The following CTDSPL2 variants were observed in gnomAD, a reference collection of about 807,000 sequenced individuals.
The protein encoded by CTDSPL2 is CTD small phosphatase like 2.
In CTDSPL2, 5 loss-of-function variants were observed where a neutral mutation model predicts 60.0. The ratio of observed to expected loss-of-function variants is 0.08; its 90% CI spans 0.04 to 0.18. The LOEUF (loss-of-function observed/expected upper bound fraction) is 0.18. Among genes scored for constraint, CTDSPL2 ranks in the 10% least tolerant of loss-of-function variants. CTDSPL2 has a pLI of 1.00. For synonymous variants in CTDSPL2, 186 were observed against 189.3 expected (o/e 0.98, Z 0.14); for missense variants, 370 against 548.8 (o/e 0.67, Z 3.26).
intron 2 of CTDSPL2, among the ~76,000 whole-genome samples, chr15:44,482,759 A>G (rs2081050867): frequency 6.6e-6 from 1 of 152,190 alleles, no homozygotes; most frequent in Non-Finnish European, 1.5e-5. Context: ...GCAATATCCA[A>G]CTTGTAGAAA....
chr15:44,445,674 G>GTC (rs2080196627), intron 1 of CTDSPL2, among the ~76,000 whole-genome samples: 1 of 149,394 alleles, frequency 6.7e-6, no homozygotes, highest in Non-Finnish European at 1.5e-5. Flanking sequence ...GTCTCGCACT[G>GTC]TCGCCTGGGC....
At chr15:44,469,310 A>T (rs116045994) in intron 2 of CTDSPL2, among the ~76,000 whole-genome samples, 1 of 152,210 alleles carries the variant, frequency 6.6e-6, no homozygotes, top group East Asian at 1.9e-4. Flanking sequence ...TTTACCTCCA[A>T]CCATTTATAA....
rs2081876810 is a variant in CTDSPL2, at chr15:44,526,538, T to A, written c.*2364T>A. The A allele has an allele frequency of 6.6e-6, 1 of 152,184 alleles. No individual in the cohort carries two copies. Among genetic ancestry groups the A allele is most frequent in the African/African-American group, 2.4e-5 (1 of 41,464 alleles). The allele number at this position is 152,184 out of a possible 1,614,324, so 9.4% of individuals were successfully genotyped here. On this transcript the variant is annotated 3_prime_UTR_variant, in exon 13 of 13. Coordinates refer to ENST00000260327, the MANE Select transcript of CTDSPL2 (RefSeq NM_016396.3). ...AAAGAAATAAACTAAGAAAATTTTT[T>A]ATGGCTTGAGAAAATTCCTTGAGGC...
Position 44,514,603 on chromosome 15 carries a change from T to C in CTDSPL2, c.975T>C (p.Tyr325=), listed in dbSNP as rs1489180826. The C allele has an allele frequency of 6.3e-7, 1 of 1,595,090 alleles. No homozygotes were observed. Among genetic ancestry groups the C allele is most frequent in the African/African-American group, 1.3e-5 (1 of 74,680 alleles). ...VLFQDVIYQV[Y]VRLRPFFREF... ...TTATCTTTGTATTTCCTTAGGTTTA[T>C]GTGAGATTAAGACCATTTTTCAGGG... The change falls in exon 9 of 13, where the codon TAT becomes TAC. Residue 325 remains tyrosine (Y), a synonymous_variant. Coordinates refer to ENST00000260327, the MANE Select transcript of CTDSPL2 (RefSeq NM_016396.3).
chr15:44,512,939 G>T (rs986037891), intron 8 of CTDSPL2, among the ~76,000 whole-genome samples: 1 of 151,960 alleles, frequency 6.6e-6, no homozygotes, highest in Non-Finnish European at 1.5e-5. Context: ...AGCCATGGTG[G>T]CCCATGCCTG....
At chr15:44,492,422 C>T (rs1297554449) in intron 5 of CTDSPL2, among the ~76,000 whole-genome samples, 1 of 152,132 alleles carries the variant, frequency 6.6e-6, no homozygotes, top group Non-Finnish European at 1.5e-5. Context: ...GGTTCAACTT[C>T]CAATTCTTTT....
At chr15:44,476,751 A>G (rs2080924624) in intron 2 of CTDSPL2, among the ~76,000 whole-genome samples, 3 of 152,230 alleles carry the variant, frequency 2.0e-5, no homozygotes, top group Admixed American at 2.0e-4. Context: ...ACGCTGTATG[A>G]TTGTACAGTG....
intron 8 of CTDSPL2, among the ~76,000 whole-genome samples, chr15:44,504,152 A>T (rs2081420947): frequency 2.6e-5 from 4 of 152,102 alleles, no homozygotes; most frequent in Admixed American, 2.6e-4. Context: ...GTTCAGGACC[A>T]CCCTGGCCAA....
At chr15:44,431,724 T>TTG (rs1348279188) in intron 1 of CTDSPL2, among the ~76,000 whole-genome samples, 27 of 143,438 alleles carry the variant, frequency 1.9e-4, no homozygotes, top group Non-Finnish European at 3.1e-4. Context: ...TTGTTTTTTT[T>TTG]TTTTTTTTTT....
intron 1 of CTDSPL2, among the ~76,000 whole-genome samples, chr15:44,434,568 A>G (rs1223969890): frequency 6.6e-6 from 1 of 152,134 alleles, no homozygotes; most frequent in Non-Finnish European, 1.5e-5. Context: ...CAAGTTTTAA[A>G]ATTTTTAAAT....
Position 44,505,735 on chromosome 15 carries a change from C to CAAAAA in CTDSPL2, c.969+5933_969+5937dup, listed in dbSNP as rs34005065. ...GGCAACAGAGCGAGACTCTGTCTCC[C>CAAAAA]AAAAAAAAAAAAAAAGAAAAGAAAA... On this transcript the variant is annotated intron_variant, in intron 8 of 12. Coordinates refer to ENST00000260327, the MANE Select transcript of CTDSPL2 (RefSeq NM_016396.3). 1.2e-4 allele frequency among the ~76,000 whole-genome samples: 9 copies of CAAAAA among 73,914 alleles called. 1 individual carries two copies. The highest frequency in any genetic ancestry group is 3.5e-4 in the East Asian group (1 of 2,862). The allele number at this position is 73,914 out of a possible 152,430, so 48.5% of individuals were successfully genotyped here.
intron 1 of CTDSPL2, among the ~76,000 whole-genome samples, chr15:44,441,893 T>C (rs2080095533): frequency 6.6e-6 from 1 of 152,232 alleles, no homozygotes; most frequent in African/African-American, 2.4e-5. Context: ...CTGTAGCTTG[T>C]AATTCCCCGA....
At position 44,525,706 on chromosome 15, in the gene CTDSPL2, T is replaced by C. The variant is rs1312200632; in HGVS notation, c.*1532T>C. On this transcript the variant is annotated 3_prime_UTR_variant, in exon 13 of 13. Transcript: ENST00000260327. ...GTACAAATTACATGCAGCTTCATTTTCAAATGAATCCTTAAAATAAGGAAA... is the reference window on the plus strand; with the variant it reads ...GTACAAATTACATGCAGCTTCATTTCCAAATGAATCCTTAAAATAAGGAAA... 1.8e-5 allele frequency: 7 copies of C among 384,186 alleles called. No homozygotes were observed. The highest frequency in any genetic ancestry group is 4.1e-5 in the African/African-American group (2 of 48,354). 23.8% of individuals were successfully genotyped at this position (384,186 alleles called of 1,614,324 possible).
intron 8 of CTDSPL2, among the ~76,000 whole-genome samples, chr15:44,502,592 T>C (rs1289128551): frequency 1.3e-5 from 2 of 152,194 alleles, no homozygotes; most frequent in Admixed American, 1.3e-4. Flanking sequence ...TGAAAAAGCA[T>C]GACTGTGTCC....
chr15:44,448,128 C>T, intron 1 of CTDSPL2: 1 of 256,334 alleles, frequency 3.9e-6, no homozygotes, highest in Non-Finnish European at 8.1e-6. Context: ...CTGCAGGAAC[C>T]ATGCACTCCA....
chr15:44,461,374 A>G (rs948369234), intron 2 of CTDSPL2, among the ~76,000 whole-genome samples: 39 of 152,220 alleles, frequency 2.6e-4, no homozygotes, highest in African/African-American at 9.4e-4. Flanking sequence ...TTTGTATGTT[A>G]TGTGTATTCT....
chr15:44,528,409 A>G lies in CTDSPL2; in HGVS notation c.*4235A>G, dbSNP rs752878352. The G allele has an allele frequency of 6.6e-6, 1 of 151,208 alleles. No homozygotes were observed. Among genetic ancestry groups the G allele is most frequent in the Non-Finnish European group, 1.5e-5 (1 of 67,878 alleles). 9.4% of individuals were successfully genotyped at this position (151,208 alleles called of 1,614,324 possible). On this transcript the variant is annotated 3_prime_UTR_variant, in exon 13 of 13. Transcript: ENST00000260327. ...TCTTTAAAGCTCTCCTGGTGATTCT[A>G]ATAGCCAGTATTGGGTAATCAATGT... is the stretch of plus-strand genomic sequence containing the variant.
intron 2 of CTDSPL2, among the ~76,000 whole-genome samples, chr15:44,471,163 C>T (rs1232602592): frequency 6.6e-6 from 1 of 152,172 alleles, no homozygotes; most frequent in African/African-American, 2.4e-5. Flanking sequence ...CGCGTTACCA[C>T]ATGTATCTGT....
intron 1 of CTDSPL2, among the ~76,000 whole-genome samples, chr15:44,458,349 A>G (rs2080491820): frequency 6.6e-6 from 1 of 152,236 alleles, no homozygotes; most frequent in Non-Finnish European, 1.5e-5. Flanking sequence ...TGTCTTACCT[A>G]TAAAATGAGA....
Sources: gnomAD v4.1 joint callset for allele counts (sites outside exome capture counted in the v4.1 genomes callset) on GRCh38, gnomAD v4.1.1 for gene constraint, MANE v1.5 for transcripts, NCBI Gene and HGNC (gene_info 2026-07-23, HGNC 2026-07-21) for gene names.